Variants in BCL11B observed in about 807,000 individuals in gnomAD.
The protein encoded by BCL11B is B-cell lymphoma/leukemia 11B.
BCL11B carries 8 observed loss-of-function variants against 49.9 expected under a neutral mutation model. The observed-to-expected ratio is 0.16, with a 90% CI of 0.09 to 0.29. BCL11B has a LOEUF of 0.29. BCL11B is among the 10% of genes least tolerant of loss of function. BCL11B has a pLI of 1.00. For missense variants in BCL11B, 1,006 were observed against 1,351.0 expected, an observed-to-expected ratio of 0.74 and a Z score of 4.00; for synonymous variants, 739 against 637.4, an observed-to-expected ratio of 1.16 and a Z score of -2.40.
chr14:99,240,412 G>A (rs1376952543), intron 2 of BCL11B, among the ~76,000 whole-genome samples: 2 of 151,948 alleles, frequency 1.3e-5, no homozygotes, highest in African/African-American at 4.8e-5. Context: ...ACTTATAGAA[G>A]ACCGAGGTTC....
At chr14:99,251,641 C>T (rs969607689) in intron 2 of BCL11B, among the ~76,000 whole-genome samples, 1 of 152,210 alleles carries the variant, frequency 6.6e-6, no homozygotes, top group Non-Finnish European at 1.5e-5. Flanking sequence ...TTTGTCACCA[C>T]CCATCTCTCC....
chr14:99,229,761 G>T (rs1888274376), intron 3 of BCL11B, among the ~76,000 whole-genome samples: 2 of 152,150 alleles, frequency 1.3e-5, no homozygotes, highest in Admixed American at 1.3e-4. Context: ...CACTCAGGCT[G>T]ATCTTCGATA....
At chr14:99,186,590 C>T (rs111296066) in intron 3 of BCL11B, among the ~76,000 whole-genome samples, 30 of 152,252 alleles carry the variant, frequency 2.0e-4, no homozygotes, top group African/African-American at 4.8e-4. Flanking sequence ...TGCCTAAAGG[C>T]GGAGGTGGGA....
In BCL11B at chr14:99,175,710, T is replaced by A. The variant is rs778293422; in HGVS notation, c.1126A>T (p.Thr376Ser). 1 of 1,499,404 alleles carries A rather than the reference T, an allele frequency of 6.7e-7. No individual in the cohort carries two copies. The highest frequency in any genetic ancestry group is 8.8e-7 in the Non-Finnish European group (1 of 1,140,512). The allele number at this position is 1,499,404 out of a possible 1,614,324, so 92.9% of individuals were successfully genotyped here. Residue 376 changes from threonine (T) to serine (S), a missense_variant, in exon 4 of 4, where the codon ACG becomes TCG. Coordinates refer to ENST00000357195, the MANE Select transcript of BCL11B (RefSeq NM_138576.4). ...RLRELAGNSS[T>S]PPPVSPGRGN... ...CGGCCCGGGGACACGGGCGGCGGCGTGGAGCTGTTGCCCGCCAGCTCGCGG... is the reference window on the plus strand; with the variant it reads ...CGGCCCGGGGACACGGGCGGCGGCGAGGAGCTGTTGCCCGCCAGCTCGCGG...
intron 2 of BCL11B, among the ~76,000 whole-genome samples, chr14:99,239,696 C>T (rs1027830275): frequency 4.6e-5 from 7 of 152,118 alleles, no homozygotes; most frequent in African/African-American, 1.2e-4. Flanking sequence ...AGGAATGACC[C>T]GGAAAACACT....
At chr14:99,258,997 T>G (rs1478079198) in intron 1 of BCL11B, among the ~76,000 whole-genome samples, 2 of 111,872 alleles carry the variant, frequency 1.8e-5, no homozygotes, top group African/African-American at 5.8e-5. Flanking sequence ...ATTGGAAGAC[T>G]CGGCAGCCAA....
chr14:99,178,405 G>A (rs1263062958), intron 3 of BCL11B, among the ~76,000 whole-genome samples: 1 of 152,176 alleles, frequency 6.6e-6, no homozygotes, highest in Non-Finnish European at 1.5e-5. Flanking sequence ...GAGCCCCTGA[G>A]GGGAAACCTC....
chr14:99,249,232 A>G (rs1888930515), intron 2 of BCL11B, among the ~76,000 whole-genome samples: 1 of 152,174 alleles, frequency 6.6e-6, no homozygotes, highest in Non-Finnish European at 1.5e-5. Context: ...CTCCTGGGAC[A>G]TGACACAGTG....
At position 99,257,544 on chromosome 14, in the gene BCL11B, T is replaced by C. The variant is rs779461782; in HGVS notation, c.354A>G (p.Gln118=). 1.2e-6 allele frequency: 2 copies of C among 1,613,964 alleles called. No homozygotes were observed. Among genetic ancestry groups the C allele is most frequent in the South Asian group, 2.2e-5 (2 of 91,056 alleles). The change falls in exon 2 of 4, where the codon CAA becomes CAG. Residue 118 remains glutamine (Q), a synonymous_variant. Transcript: ENST00000357195. This position sits in a 1 kb window ranked among gnomAD's most constrained non-coding sequence, Gnocchi z 6.2. ...GGTGGTCATCTTCGTCGGGGGTGAC[T>C]TGGATCCCGATCTCCACCGGCTCGG... ...KVSEPVEIGI[Q]VTPDEDDHLL...
chr14:99,206,349 C>T (rs369229619), intron 3 of BCL11B, among the ~76,000 whole-genome samples: 4 of 152,204 alleles, frequency 2.6e-5, no homozygotes, highest in Admixed American at 1.3e-4. Flanking sequence ...CCCTGTTACC[C>T]GTGGTTTCAC....
Position 99,219,627 on chromosome 14 carries a change from C to T in BCL11B, c.640+11718G>A, listed in dbSNP as rs545980638. ...GCACAGGACACCGAGTGAGCTCTAT[C>T]TCGCTCCTAGGGATTCTGATTCCAA... On this transcript the variant is annotated intron_variant, in intron 3 of 3. Coordinates refer to ENST00000357195, the MANE Select transcript of BCL11B (RefSeq NM_138576.4). Among the ~76,000 whole-genome samples, 6 of 152,202 alleles carry T rather than the reference C, an allele frequency of 3.9e-5. No individual in the cohort carries two copies. The South Asian group carries it at 1.2e-3, about 32-fold the overall frequency.
At chr14:99,221,564 G>A (rs1026431677) in intron 3 of BCL11B, among the ~76,000 whole-genome samples, 2 of 152,386 alleles carry the variant, frequency 1.3e-5, no homozygotes, top group South Asian at 2.1e-4. Flanking sequence ...CACCTGCCAG[G>A]TACAAGGCCA....
rs1214172991 is a variant in BCL11B at position 99,173,446 on chromosome 14, G to A, written c.*705C>T. ...CAACACAGAAAAGGCCGCTTGACTC[G>A]GGACGACATGAGTGCTACATCTCCA... On this transcript the variant is annotated 3_prime_UTR_variant, in exon 4 of 4. Coordinates refer to ENST00000357195, the MANE Select transcript of BCL11B (RefSeq NM_138576.4). The A allele has an allele frequency of 4.6e-6, 1 of 217,078 alleles. No individual in the cohort carries two copies. The highest frequency in any genetic ancestry group is 2.3e-5 in the African/African-American group (1 of 44,226). 13.4% of individuals were successfully genotyped at this position (217,078 alleles called of 1,614,324 possible). A position where few individuals can be genotyped will look rare whatever the true frequency, so the allele number is the denominator to read the frequency against.
intron 3 of BCL11B, among the ~76,000 whole-genome samples, chr14:99,212,824 T>C (rs1243423538): frequency 6.6e-6 from 1 of 152,172 alleles, no homozygotes; most frequent in Non-Finnish European, 1.5e-5. Context: ...CCCAGGGCCA[T>C]GATGCTCTCC....
intron 3 of BCL11B, among the ~76,000 whole-genome samples, chr14:99,190,552 GT>G (rs753080553): frequency 6.6e-6 from 1 of 152,004 alleles, no homozygotes; most frequent in African/African-American, 2.4e-5. Flanking sequence ...GTTTTGTTTT[GT>G]TTTTTTAGTG....
At chr14:99,226,573 T>C (rs1888167825) in intron 3 of BCL11B, among the ~76,000 whole-genome samples, 1 of 152,224 alleles carries the variant, frequency 6.6e-6, no homozygotes, top group East Asian at 1.9e-4. Flanking sequence ...ACAGCTTGCT[T>C]CTTGTTTGGT....
rs1595208804 is a variant in BCL11B at position 99,169,792 on chromosome 14, G to A, written c.*4359C>T. 4.4e-6 allele frequency: 1 copy of A among 226,204 alleles called. No homozygotes were observed. The highest frequency in any genetic ancestry group is 8.8e-6 in the Non-Finnish European group (1 of 113,258). 14.0% of individuals were successfully genotyped at this position (226,204 alleles called of 1,614,324 possible). A position where few individuals can be genotyped will look rare whatever the true frequency, so the allele number is the denominator to read the frequency against. ...GCTGACGGTTACTTAGGACCGGGAT[G>A]AAAGGCTGATTTCCTTACTTTTCAC... On this transcript the variant is annotated 3_prime_UTR_variant, in exon 4 of 4. Coordinates refer to ENST00000357195, the MANE Select transcript of BCL11B (RefSeq NM_138576.4).
intron 3 of BCL11B, among the ~76,000 whole-genome samples, chr14:99,207,369 G>A (rs74080358): frequency 0.14 from 20,806 of 152,122 alleles, 1,469 homozygotes; most frequent in South Asian, 0.17. Context: ...CTGGCCAAGG[G>A]CACCTCATCC....
chr14:99,229,724 C>T (rs147488801), intron 3 of BCL11B, among the ~76,000 whole-genome samples: 101 of 152,286 alleles, frequency 6.6e-4, no homozygotes, highest in African/African-American at 2.2e-3. Flanking sequence ...TTCTGTGCCA[C>T]GGAACTTGAC....
Sources: allele counts gnomAD v4.1 joint callset (sites outside exome capture counted in the v4.1 genomes callset), GRCh38; gene constraint gnomAD v4.1.1; non-coding constraint Gnocchi (gnomAD v3.1); transcripts MANE v1.5; gene names NCBI Gene and HGNC (gene_info 2026-07-23, HGNC 2026-07-21).